Variants in OSBP2 observed in about 807,000 individuals in gnomAD.
OSBP2 encodes oxysterol-binding protein 2.
OSBP2 carries 66 observed loss-of-function variants against 96.0 expected under a neutral mutation model. The ratio of observed to expected loss-of-function variants is 0.69; its 90% CI spans 0.56 to 0.84. The LOEUF is 0.84. Ranked by LOEUF, OSBP2 falls within the 40% of genes least tolerant of loss-of-function variation. The pLI is 0.00. For synonymous variants in OSBP2, 525 were observed against 520.9 expected, an observed-to-expected ratio of 1.01 and a Z score of -0.11; for missense variants, 1,038 against 1,222.7, an observed-to-expected ratio of 0.85 and a Z score of 2.25.
chr22:30,694,767 G>T (rs2088989195), upstream of OSBP2: 1 of 566,862 alleles, frequency 1.8e-6, no homozygotes, highest in Non-Finnish European at 2.2e-6. Flanking sequence ...GGGCGCTGAC[G>T]GGCACGGAGC....
intron 1 of OSBP2, among the ~76,000 whole-genome samples, chr22:30,720,345 A>G (rs1255847229): frequency 6.6e-6 from 1 of 152,128 alleles, no homozygotes; most frequent in African/African-American, 2.4e-5. Flanking sequence ...TGAAGGCTTG[A>G]CTGGCTGGAG....
At chr22:30,741,598 G>A (rs987558528) in intron 2 of OSBP2, among the ~76,000 whole-genome samples, 2 of 152,176 alleles carry the variant, frequency 1.3e-5, no homozygotes, top group Non-Finnish European at 2.9e-5. Context: ...GTGGGCAGGA[G>A]CTGTGTGTGC....
chr22:30,764,483 C>T, intron 2 of OSBP2: 2 of 818,474 alleles, frequency 2.4e-6, no homozygotes, highest in Non-Finnish European at 3.0e-6. Context: ...GTTGTTCTGG[C>T]TCTGTAAACA....
chr22:30,863,964 T>G (rs1163345824), intron 2 of OSBP2, among the ~76,000 whole-genome samples: 8 of 73,850 alleles, frequency 1.1e-4, no homozygotes, highest in Non-Finnish European at 2.1e-4. Context: ...GCCATCATGT[T>G]TTTTTTTTGT....
At chr22:30,851,858 C>T (rs369548655) in intron 2 of OSBP2, among the ~76,000 whole-genome samples, 11 of 152,070 alleles carry the variant, frequency 7.2e-5, no homozygotes, top group East Asian at 5.8e-4. Context: ...TGTTTTTATC[C>T]GGAAGGGTTA....
intron 8 of OSBP2, among the ~76,000 whole-genome samples, chr22:30,891,727 G>A (rs2039952809): frequency 6.6e-6 from 1 of 152,240 alleles, no homozygotes; most frequent in African/African-American, 2.4e-5. Context: ...TGGATACGGG[G>A]GTGGGGGGCA....
Position 30,906,437 on chromosome 22 carries a change from T to G in OSBP2, c.*98T>G. Reference sequence around the variant, plus strand: ...ACTGAATGGTCTTTCTCCCAGCCCATTCCCAGCCCTTCCTATTTCCTTTCC... The same window carrying G: ...ACTGAATGGTCTTTCTCCCAGCCCAGTCCCAGCCCTTCCTATTTCCTTTCC... On this transcript the variant is annotated 3_prime_UTR_variant, in exon 14 of 14. Transcript: ENST00000332585. 1.5e-6 allele frequency: 2 copies of G among 1,339,260 alleles called. No individual in the cohort carries two copies. The highest frequency in any genetic ancestry group is 2.0e-6 in the Non-Finnish European group (2 of 1,004,182). 83.0% of individuals were successfully genotyped at this position (1,339,260 alleles called of 1,614,324 possible).
At chr22:30,902,132 A>AC (rs1258801969) in intron 12 of OSBP2, 3 of 179,176 alleles carry the variant, frequency 1.7e-5, no homozygotes, top group South Asian at 1.2e-4. Context: ...AAACGAAAAA[A>AC]AAAAAACCAA....
chr22:30,868,853 C>T (rs1199293909), intron 2 of OSBP2, among the ~76,000 whole-genome samples: 3 of 152,232 alleles, frequency 2.0e-5, no homozygotes, highest in Non-Finnish European at 2.9e-5. Flanking sequence ...CCCCCGTGTA[C>T]CTTGCCTGCC....
upstream of OSBP2, chr22:30,694,091 C>G: frequency 1.7e-6 from 2 of 1,198,764 alleles, no homozygotes; most frequent in Non-Finnish European, 2.4e-6. Context: ...CTGCGGAAGC[C>G]TCACAGACTG....
chr22:30,810,055 T>C (rs1194135025), intron 2 of OSBP2, among the ~76,000 whole-genome samples: 1 of 151,902 alleles, frequency 6.6e-6, no homozygotes, highest in African/African-American at 2.4e-5. Context: ...GTTCTATAGC[T>C]TGGAGGGGCA....
rs763757572 is a variant in OSBP2 at position 30,893,633 on chromosome 22, G to A, written c.2095-5G>A. 2.3e-5 allele frequency: 37 copies of A among 1,614,080 alleles called. No homozygotes were observed. The African/African-American group carries it at 3.1e-4, about 13-fold the overall frequency. On this transcript the variant is annotated splice_polypyrimidine_tract_variant and splice_region_variant and intron_variant, in intron 10 of 13. Coordinates refer to ENST00000332585, the MANE Select transcript of OSBP2 (RefSeq NM_030758.4). ...TGGCCGCTGACCACTGCCCTCCTTCGCCAGTCAGGGGACATCGAGATTGTG... is the reference window on the plus strand; with the variant it reads ...TGGCCGCTGACCACTGCCCTCCTTCACCAGTCAGGGGACATCGAGATTGTG...
rs746237143 is a variant in OSBP2, at chr22:30,870,721, T to C, written c.1107+39T>C. 6.3e-7 allele frequency: 1 copy of C among 1,598,160 alleles called. No homozygotes were observed. The highest frequency in any genetic ancestry group is 8.6e-7 in the Non-Finnish European group (1 of 1,169,340). ...CCCACCGCCCTGGCACGGGGCTCCC[T>C]GGCTCCAGCCCCGGGGTCCCTCGGT... On this transcript the variant is annotated intron_variant, in intron 3 of 13. Transcript: ENST00000332585. This position sits in a 1 kb window ranked among gnomAD's most constrained non-coding sequence, Gnocchi z 4.1.
At position 30,881,764 on chromosome 22, in the gene OSBP2, G is replaced by A. The variant is rs572974627; in HGVS notation, c.1108-5662G>A. On this transcript the variant is annotated intron_variant, in intron 3 of 13. Coordinates refer to ENST00000332585, the MANE Select transcript of OSBP2 (RefSeq NM_030758.4). The surrounding 1 kb of genome is among the most constrained non-coding windows in gnomAD (Gnocchi z 4.5). ...GGATGGGGCCTGGAGAAGGCCGGCA[G>A]CAGCAGAGGAGACCCTGGGAGTCAG... 5.8e-5 allele frequency: 75 copies of A among 1,304,234 alleles called. No homozygotes were observed. In the South Asian group the frequency reaches 8.8e-4, roughly 15 times the overall value. The allele number at this position is 1,304,234 out of a possible 1,614,324, so 80.8% of individuals were successfully genotyped here.
chr22:30,708,894 A>G (rs1332427080), intron 1 of OSBP2, among the ~76,000 whole-genome samples: 8 of 151,628 alleles, frequency 5.3e-5, no homozygotes, highest in African/African-American at 1.9e-4. Flanking sequence ...TGAGGTCAGG[A>G]GTTCGAGACC....
chr22:30,826,634 G>A (rs983311374), intron 2 of OSBP2, among the ~76,000 whole-genome samples: 2 of 152,140 alleles, frequency 1.3e-5, no homozygotes, highest in Non-Finnish European at 2.9e-5. Context: ...ATGGAGGCTG[G>A]GTTTTACCTG....
intron 2 of OSBP2, among the ~76,000 whole-genome samples, chr22:30,834,813 TTTC>T (rs1443356420): frequency 6.6e-6 from 1 of 151,766 alleles, no homozygotes; most frequent in Non-Finnish European, 1.5e-5. Flanking sequence ...TTTCTTTTCT[TTTC>T]TTTTTTTTTT....
At chr22:30,778,637 C>A (rs1337029551) in intron 2 of OSBP2, among the ~76,000 whole-genome samples, 1 of 152,048 alleles carries the variant, frequency 6.6e-6, no homozygotes, top group East Asian at 1.9e-4. Context: ...CTTGATTTCC[C>A]CTGTCCTCTA....
intron 2 of OSBP2, among the ~76,000 whole-genome samples, chr22:30,757,163 T>C (rs1271325322): frequency 1.3e-5 from 2 of 152,134 alleles, no homozygotes; most frequent in Non-Finnish European, 2.9e-5. Context: ...AGGGACGTCC[T>C]TGCTACTCTG....
Sources: allele counts gnomAD v4.1 joint callset (sites outside exome capture counted in the v4.1 genomes callset), GRCh38; gene constraint gnomAD v4.1.1; non-coding constraint Gnocchi (gnomAD v3.1); transcripts MANE v1.5; gene names NCBI Gene and HGNC (gene_info 2026-07-23, HGNC 2026-07-21).